Variants in DOCK7 observed in about 807,000 individuals in gnomAD.
The protein encoded by DOCK7 is dedicator of cytokinesis 7.
A neutral mutation model predicts 271.0 loss-of-function variants in DOCK7; 138 were observed. The observed-to-expected ratio is 0.51, with a 90% confidence interval of 0.44 to 0.59. The LOEUF is 0.59. Ranked by LOEUF, DOCK7 falls within the 20% of genes least tolerant of loss-of-function variation. The probability of loss-of-function intolerance (pLI) is 0.00; values close to 1 mark genes in which losing one functional copy is unlikely to be tolerated. For missense variants in DOCK7, 2,066 were observed against 2,592.4 expected (o/e 0.80, Z 4.41); for synonymous variants, 823 against 876.1 (o/e 0.94, Z 1.07).
chr1:62,553,490 T>C (rs1445859457), intron 21 of DOCK7, among the ~76,000 whole-genome samples: 1 of 149,012 alleles, frequency 6.7e-6, no homozygotes, highest in Non-Finnish European at 1.5e-5. Flanking sequence ...CACCTCAGCC[T>C]CCTGAGTAGC....
chr1:62,550,074 A>G (rs1469648311), intron 22 of DOCK7, among the ~76,000 whole-genome samples: 2 of 151,064 alleles, frequency 1.3e-5, no homozygotes, highest in African/African-American at 4.9e-5. Context: ...TCATCTGTTG[A>G]TGGACACTTA....
intron 37 of DOCK7, among the ~76,000 whole-genome samples, chr1:62,500,497 G>T (rs1646749960): frequency 6.6e-6 from 1 of 151,764 alleles, no homozygotes; most frequent in African/African-American, 2.4e-5. Context: ...AACAAAACAA[G>T]TATTTTATAT....
chr1:62,645,943 C>T (rs1213851990), intron 7 of DOCK7, among the ~76,000 whole-genome samples: 4 of 151,674 alleles, frequency 2.6e-5, no homozygotes, highest in African/African-American at 7.3e-5. Context: ...GTCAGGAGAT[C>T]GAGACCATCC....
At chr1:62,636,181 G>A (rs1473890789) in intron 8 of DOCK7, among the ~76,000 whole-genome samples, 2 of 152,202 alleles carry the variant, frequency 1.3e-5, no homozygotes. Flanking sequence ...GAACCTGGGA[G>A]GCGGAGCTTG....
intron 14 of DOCK7, among the ~76,000 whole-genome samples, chr1:62,612,712 T>A (rs374406852): frequency 6.6e-6 from 1 of 152,212 alleles, no homozygotes; most frequent in African/African-American, 2.4e-5. Flanking sequence ...TATTAAGAGA[T>A]GTATGGGCAT....
chr1:62,587,689 C>T (rs1202235049), intron 14 of DOCK7, among the ~76,000 whole-genome samples: 2 of 152,044 alleles, frequency 1.3e-5, no homozygotes, highest in African/African-American at 4.8e-5. Flanking sequence ...CAATGTACAG[C>T]CATATTTATT....
At chr1:62,662,969 C>A (rs1658841394) in intron 2 of DOCK7, 56 bp downstream of exon 2, 2 of 1,381,506 alleles carry the variant, frequency 1.4e-6, no homozygotes, top group African/African-American at 1.4e-5. Context: ...ACTATTTTTT[C>A]ATGGCCTAGT....
chr1:62,663,224 A>C (rs753646790), intron 1 of DOCK7, 94 bp from the exon 2 acceptor site: 42 of 978,332 alleles, frequency 4.3e-5, no homozygotes, highest in Non-Finnish European at 6.3e-5. Flanking sequence ...TTAAAGATTC[A>C]TTTAAAGAAA....
chr1:62,659,371 C>T (rs1340257599), intron 2 of DOCK7, among the ~76,000 whole-genome samples: 1 of 151,864 alleles, frequency 6.6e-6, no homozygotes, highest in Non-Finnish European at 1.5e-5. Context: ...AACACAATAC[C>T]TTGTGCAGCC....
At chr1:62,606,721 T>G (rs528176130) in intron 14 of DOCK7, among the ~76,000 whole-genome samples, 4 of 152,314 alleles carry the variant, frequency 2.6e-5, no homozygotes, top group Non-Finnish European at 4.4e-5. Context: ...TGTGGGCCAA[T>G]GGACAACCTT....
intron 48 of DOCK7, 80 bp downstream of exon 48, chr1:62,473,902 G>A: frequency 8.8e-7 from 1 of 1,140,230 alleles, no homozygotes. Context: ...TCTTTTCAAT[G>A]GTTCCTTAAG....
At chr1:62,631,945 C>G (rs973383282) in intron 10 of DOCK7, among the ~76,000 whole-genome samples, 1 of 152,078 alleles carries the variant, frequency 6.6e-6, no homozygotes, top group Non-Finnish European at 1.5e-5. Context: ...AGACTAAACG[C>G]TGGAAAAAGA....
At chr1:62,608,373 A>G (rs1469124522) in intron 14 of DOCK7, 1 of 152,060 alleles carries the variant, frequency 6.6e-6, no homozygotes, top group Non-Finnish European at 1.5e-5. Context: ...CATCTCCTCT[A>G]TGCCTTCCTA....
In DOCK7 at chr1:62,558,919, T is replaced by C. The variant is rs141821921; in HGVS notation, c.2431+70A>G. On this transcript the variant is annotated intron_variant, in intron 20 of 49. Coordinates refer to ENST00000635253, the MANE Select transcript of DOCK7 (RefSeq NM_001367561.1). ...TATAGCAAATAGAAATCATGTTTTTTTTTTTTAACAAAATTTAGAAATGTC... is the reference window on the plus strand; with the variant it reads ...TATAGCAAATAGAAATCATGTTTTTCTTTTTTAACAAAATTTAGAAATGTC... The C allele has an allele frequency of 2.3e-6, 3 of 1,296,774 alleles. No homozygotes were observed. In the Admixed American group the frequency reaches 6.5e-5, roughly 28 times the overall value. The allele number at this position is 1,296,774 out of a possible 1,614,324, so 80.3% of individuals were successfully genotyped here.
At chr1:62,684,346 T>C (rs1465281197) in intron 1 of DOCK7, among the ~76,000 whole-genome samples, 1 of 152,214 alleles carries the variant, frequency 6.6e-6, no homozygotes, top group Non-Finnish European at 1.5e-5. Flanking sequence ...GAAATCATAA[T>C]AGCAGTGGCT....
intron 1 of DOCK7, among the ~76,000 whole-genome samples, chr1:62,664,539 T>C (rs150074651): frequency 2.8e-4 from 43 of 152,274 alleles, no homozygotes; most frequent in African/African-American, 8.7e-4. Flanking sequence ...CAGTCTTGGA[T>C]ATATCTTTAT....
At position 62,475,735 on chromosome 1, in the gene DOCK7, G is replaced by T; in HGVS notation, c.5933C>A (p.Thr1978Lys). Reference sequence around the variant, plus strand: ...TTCTTTATGAGTGACATTGACCCTTGTTTTAATATAAGGAAAGGCATGAGA... The same window carrying T: ...TTCTTTATGAGTGACATTGACCCTTTTTTTAATATAAGGAAAGGCATGAGA... ...TTSHAFPYIKTRVNVTHKEEI... is the reference protein window; with the variant it reads ...TTSHAFPYIKKRVNVTHKEEI... The change falls in exon 46 of 50, where the codon ACA (threonine) becomes AAA (lysine). Residue 1978 changes from threonine (T) to lysine (K), a missense_variant. Physicochemically the swap from Thr to Lys is moderately conservative, Grantham distance 78. Coordinates refer to ENST00000635253, the MANE Select transcript of DOCK7 (RefSeq NM_001367561.1). 1 of 1,613,906 alleles carries T rather than the reference G, an allele frequency of 6.2e-7. No homozygotes were observed. Among genetic ancestry groups the T allele is most frequent in the Non-Finnish European group, 8.5e-7 (1 of 1,179,892 alleles).
At position 62,688,284 on chromosome 1, in the gene DOCK7, A is replaced by G. The variant is rs549438194; in HGVS notation, c.-20T>C. On this transcript the variant is annotated 5_prime_UTR_variant, in exon 1 of 50. Transcript: ENST00000635253. Reference sequence around the variant, plus strand: ...GGCCATGGCTGCTGCGGCGACGGCGACGGCGGCGGCGGCTGCGGCGGGCCG... The same window carrying G: ...GGCCATGGCTGCTGCGGCGACGGCGGCGGCGGCGGCGGCTGCGGCGGGCCG... 246 of 1,253,854 alleles carry G rather than the reference A, an allele frequency of 2.0e-4. No individual in the cohort carries two copies. The highest frequency in any genetic ancestry group is 2.2e-4 in the Non-Finnish European group (218 of 989,920). 77.7% of individuals were successfully genotyped at this position (1,253,854 alleles called of 1,614,324 possible). A position where few individuals can be genotyped will look rare whatever the true frequency, so the allele number is the denominator to read the frequency against.
At chr1:62,513,921 T>C (rs1644579194) in intron 31 of DOCK7, 23 bp from the exon 32 acceptor site, 1 of 1,582,124 alleles carries the variant, frequency 6.3e-7, no homozygotes, top group South Asian at 1.2e-5. Flanking sequence ...AGCAGTAGAA[T>C]GAGACAGATT....
Sources: allele counts gnomAD v4.1 joint callset (sites outside exome capture counted in the v4.1 genomes callset), GRCh38; gene constraint gnomAD v4.1.1; transcripts MANE v1.5; gene names NCBI Gene and HGNC (gene_info 2026-07-23, HGNC 2026-07-21).